Variants in BRSK2 observed in about 807,000 individuals in gnomAD.
BRSK2 encodes serine/threonine-protein kinase BRSK2.
In BRSK2, 19 loss-of-function variants were observed where a neutral mutation model predicts 83.3. The ratio of observed to expected loss-of-function variants is 0.23; its 90% CI spans 0.16 to 0.33. BRSK2 has a LOEUF of 0.33. Ranked by LOEUF, BRSK2 falls within the 10% of genes least tolerant of loss-of-function variation. The probability of loss-of-function intolerance (pLI) is 1.00; values close to 1 mark genes in which losing one functional copy is unlikely to be tolerated. For synonymous variants in BRSK2, 519 were observed against 435.4 expected (o/e 1.19, Z -2.39); for missense variants, 798 against 1,042.3 (o/e 0.77, Z 3.23).
chr11:1,447,887 C>T (rs991708894), intron 12 of BRSK2: 1 of 1,581,834 alleles, frequency 6.3e-7, no homozygotes, highest in African/African-American at 1.3e-5. Context: ...CCACCCGTCC[C>T]CGCACCTCCC....
chr11:1,428,810 T>C (rs761033891), intron 1 of BRSK2, among the ~76,000 whole-genome samples: 1 of 151,000 alleles, frequency 6.6e-6, no homozygotes, highest in Non-Finnish European at 1.5e-5. Context: ...CTGGGGTGTA[T>C]GTATGCAGTC....
At chr11:1,399,958 C>G (rs1846364405) in intron 1 of BRSK2, among the ~76,000 whole-genome samples, 1 of 152,152 alleles carries the variant, frequency 6.6e-6, no homozygotes, top group Admixed American at 6.6e-5. Flanking sequence ...TAGCCGCCAG[C>G]AACACCCCCC....
chr11:1,443,099 C>G lies in BRSK2; in HGVS notation c.531-7C>G. 1 of 1,534,362 alleles carries G rather than the reference C, an allele frequency of 6.5e-7. No individual in the cohort carries two copies. The highest frequency in any genetic ancestry group is 8.7e-7 in the Non-Finnish European group (1 of 1,145,914). On this transcript the variant is annotated splice_polypyrimidine_tract_variant and splice_region_variant and intron_variant, in intron 5 of 19. Transcript: ENST00000528841. ...GCCCCGCCGCTGACCTCTGCCCTTG[C>G]CCGCAGGTCCCCCCACTACGCCTGC...
chr11:1,456,824 C>T, intron 18 of BRSK2, 137 bp downstream of exon 18: 17 of 1,321,684 alleles, frequency 1.3e-5, no homozygotes, highest in South Asian at 2.6e-5. Context: ...CTCCCTGCCC[C>T]GAGCTGTGGC....
rs1040704185 is a variant in BRSK2, at chr11:1,454,964, C to CG, written c.1668+360dup. ...CAGAGGGGGACATTTCCATCAGACT[C>CG]GGGGAGAAGCCCTTGTGAGGCCATG... On this transcript the variant is annotated intron_variant, in intron 16 of 19. Transcript: ENST00000528841. The surrounding 1 kb of genome is among the most constrained non-coding windows in gnomAD (Gnocchi z 5.2). 5.3e-5 allele frequency among the ~76,000 whole-genome samples: 8 copies of CG among 152,082 alleles called. No individual in the cohort carries two copies. Among genetic ancestry groups the CG allele is most frequent in the Admixed American group, 5.2e-4 (8 of 15,276 alleles).
chr11:1,445,487 C>T, intron 10 of BRSK2, 29 bp downstream of exon 10: 1 of 1,610,266 alleles, frequency 6.2e-7, no homozygotes, highest in Non-Finnish European at 8.5e-7. Flanking sequence ...CCGGGTGGGG[C>T]ACGGGGCCTG....
chr11:1,440,720 A>G (rs2133063498), intron 3 of BRSK2, 68 bp from the exon 4 acceptor site: 1 of 1,507,570 alleles, frequency 6.6e-7, no homozygotes, highest in Non-Finnish European at 8.9e-7. Flanking sequence ...CGGCTGTGGG[A>G]GGCCCTGGGA....
At chr11:1,407,623 C>T (rs1378953354) in intron 1 of BRSK2, among the ~76,000 whole-genome samples, 10 of 152,198 alleles carry the variant, frequency 6.6e-5, no homozygotes, top group Admixed American at 5.9e-4. Flanking sequence ...CTAGGGGCCT[C>T]GACGCAGCCC....
At chr11:1,401,682 C>T (rs796193221) in intron 1 of BRSK2, among the ~76,000 whole-genome samples, 26 of 152,352 alleles carry the variant, frequency 1.7e-4, no homozygotes, top group African/African-American at 5.8e-4. Flanking sequence ...TGCGTCGTGC[C>T]AGAGCGGACT....
intron 1 of BRSK2, among the ~76,000 whole-genome samples, chr11:1,428,765 A>T (rs7127108): frequency 0.37 from 56,068 of 151,968 alleles, 10,946 homozygotes; most frequent in African/African-American, 0.48. Context: ...TATGTGCACG[A>T]GTGTGTGTGC....
chr11:1,445,555 C>T lies in BRSK2; in HGVS notation c.978-16C>T, dbSNP rs1460225298. The T allele has an allele frequency of 3.2e-6, 5 of 1,586,570 alleles. No homozygotes were observed. The highest frequency in any genetic ancestry group is 1.3e-5 in the African/African-American group (1 of 74,634). On this transcript the variant is annotated splice_polypyrimidine_tract_variant and intron_variant, in intron 10 of 19. Transcript: ENST00000528841. Reference sequence around the variant, plus strand: ...CCCCGTGTGCCAGCGCGTCTCGCGCCTCTCGCCCGCTGTAGGGAGAACCAG... The same window carrying T: ...CCCCGTGTGCCAGCGCGTCTCGCGCTTCTCGCCCGCTGTAGGGAGAACCAG...
chr11:1,455,518 G>A (rs1846400465), intron 16 of BRSK2, among the ~76,000 whole-genome samples: 1 of 152,084 alleles, frequency 6.6e-6, no homozygotes, highest in Non-Finnish European at 1.5e-5. Flanking sequence ...CCTGGCTGCA[G>A]CTGAGCTTCC....
chr11:1,450,373 G>C (rs1845670901), intron 13 of BRSK2, among the ~76,000 whole-genome samples: 1 of 152,106 alleles, frequency 6.6e-6, no homozygotes, highest in Non-Finnish European at 1.5e-5. Context: ...CCGACCCCAA[G>C]ACCCAGACCT....
chr11:1,440,949 CCCCCCACTCCCCAGGGA>C (rs773482936), intron 4 of BRSK2, 21 bp downstream of exon 4: 4 of 1,590,784 alleles, frequency 2.5e-6, no homozygotes, highest in Admixed American at 1.7e-5. Flanking sequence ...ACCCCTGGTG[CCCCCCACTCCCCAGGGA>C]CCCCCACACC....
At chr11:1,442,798 A>C (rs1048453348) in intron 5 of BRSK2, among the ~76,000 whole-genome samples, 192 bp downstream of exon 5, 4 of 152,026 alleles carry the variant, frequency 2.6e-5, no homozygotes, top group Admixed American at 6.5e-5. Context: ...CCGGCACAGT[A>C]AGGGTAGGGG....
intron 1 of BRSK2, among the ~76,000 whole-genome samples, chr11:1,424,554 TCCAGGAC>T (rs1848983630): frequency 1.3e-5 from 2 of 151,930 alleles, no homozygotes; most frequent in African/African-American, 2.4e-5. Context: ...AGGAGAAGGG[TCCAGGAC>T]CCTTCGCCAG....
intron 1 of BRSK2, among the ~76,000 whole-genome samples, chr11:1,428,313 C>T (rs1849491356): frequency 6.6e-6 from 1 of 152,222 alleles, no homozygotes; most frequent in African/African-American, 2.4e-5. Flanking sequence ...AGGACGTGGG[C>T]AGGATCTATG....
intron 12 of BRSK2, among the ~76,000 whole-genome samples, chr11:1,448,821 G>GC (rs1486511683): frequency 6.6e-6 from 1 of 152,240 alleles, no homozygotes; most frequent in Non-Finnish European, 1.5e-5. Flanking sequence ...GTGGGGACCA[G>GC]CCCCCGGGTG....
intron 1 of BRSK2, among the ~76,000 whole-genome samples, chr11:1,413,471 C>G (rs985722320): frequency 6.6e-6 from 1 of 152,208 alleles, no homozygotes; most frequent in African/African-American, 2.4e-5. Flanking sequence ...GCAGTGGTAT[C>G]TCTGCAGGTG....
Sources: allele counts gnomAD v4.1 joint callset (sites outside exome capture counted in the v4.1 genomes callset), GRCh38; gene constraint gnomAD v4.1.1; non-coding constraint Gnocchi (gnomAD v3.1); transcripts MANE v1.5; gene names NCBI Gene and HGNC (gene_info 2026-07-23, HGNC 2026-07-21).